The following KIDINS220 variants were observed in gnomAD, a reference collection of about 807,000 sequenced individuals.
The protein encoded by KIDINS220 is kinase D-interacting substrate of 220 kDa.
A neutral mutation model predicts 157.6 loss-of-function variants in KIDINS220; 63 were observed. The observed-to-expected ratio is 0.40, with a 90% CI of 0.33 to 0.49. KIDINS220 has a LOEUF of 0.49. Among genes scored for constraint, KIDINS220 ranks in the 20% least tolerant of loss-of-function variants. KIDINS220 has a pLI of 0.66. For missense variants in KIDINS220, 1,772 were observed against 2,171.2 expected (o/e 0.82, Z 3.65); for synonymous variants, 732 against 783.6 (o/e 0.93, Z 1.10).
intron 13 of KIDINS220, among the ~76,000 whole-genome samples, chr2:8,790,698 G>A (rs1673063671): frequency 6.6e-6 from 1 of 152,196 alleles, no homozygotes; most frequent in African/African-American, 2.4e-5. Context: ...TGCTAATAGA[G>A]GGAGCAACCT....
Position 8,803,123 on chromosome 2 carries a change from G to T in KIDINS220, c.608C>A (p.Ser203Ter). The change falls in exon 8 of 30, where the codon TCA (serine) becomes TAA (stop). Residue 203 changes from serine to a stop codon, truncating the protein, a stop_gained. Transcript: ENST00000256707. LOFTEE classifies it high-confidence loss of function. ...CACTGCCACAATAAGTGCAGTCATTGAATTCTAAAAACAACAACAACAAAA... is the reference window on the plus strand; with the variant it reads ...CACTGCCACAATAAGTGCAGTCATTTAATTCTAAAAACAACAACAACAAAA... Reference protein sequence around the residue: ...GADVDQEGANSMTALIVAVKG... With the variant: ...GADVDQEGAN 1.2e-6 allele frequency: 2 copies of T among 1,604,952 alleles called. No homozygotes were observed. The highest frequency in any genetic ancestry group is 2.2e-5 in the South Asian group (2 of 90,064).
intron 1 of KIDINS220, among the ~76,000 whole-genome samples, chr2:8,830,495 T>G (rs1023087194): frequency 6.6e-6 from 1 of 152,232 alleles, no homozygotes; most frequent in African/African-American, 2.4e-5. Flanking sequence ...CATGGCTCAC[T>G]GCAGCCTTGA....
In KIDINS220 at chr2:8,750,216, A is replaced by G; in HGVS notation, c.3310T>C (p.Ser1104Pro). Residue 1104 changes from serine (S) to proline (P), a missense_variant, in exon 24 of 30, where the codon TCC becomes CCC. Around this residue, in one of 3 missense-constraint regions of KIDINS220, gnomAD observed 793 missense variants for 885.5 expected, o/e 0.90. Transcript: ENST00000256707. The part of the protein sequence containing the change: ...GYSQPPSVCS[S>P]TSFNGPFAGG... ...GCGAAGGGCCCATTGAAGGACGTGG[A>G]AGAGCACACGGATGGGGGCTGGCTG... The G allele has an allele frequency of 6.2e-7, 1 of 1,614,196 alleles. No homozygotes were observed. The highest frequency in any genetic ancestry group is 8.5e-7 in the Non-Finnish European group (1 of 1,180,024).
chr2:8,756,471 T>C (rs566015717), intron 22 of KIDINS220, among the ~76,000 whole-genome samples: 2 of 152,338 alleles, frequency 1.3e-5, no homozygotes, highest in East Asian at 3.9e-4. Context: ...TAGTGCAATG[T>C]TGAATAGCAG....
intron 21 of KIDINS220, among the ~76,000 whole-genome samples, chr2:8,771,892 T>C (rs1420261396): frequency 2.0e-5 from 3 of 151,926 alleles, no homozygotes; most frequent in Non-Finnish European, 4.4e-5. Context: ...CACAGTGCTG[T>C]GTGAAAAGAG....
At chr2:8,797,918 T>C (rs1175236832) in intron 10 of KIDINS220, among the ~76,000 whole-genome samples, 2 of 152,184 alleles carry the variant, frequency 1.3e-5, no homozygotes, top group Non-Finnish European at 2.9e-5. Context: ...CAGATAACAG[T>C]GGCATAAATG....
At chr2:8,764,951 G>A (rs1487603694) in intron 22 of KIDINS220, among the ~76,000 whole-genome samples, 1 of 152,132 alleles carries the variant, frequency 6.6e-6, no homozygotes, top group African/African-American at 2.4e-5. Context: ...GTATAAGAAG[G>A]TAACTATGGC....
chr2:8,790,308 C>T (rs1190310969), intron 13 of KIDINS220, among the ~76,000 whole-genome samples: 4 of 152,110 alleles, frequency 2.6e-5, no homozygotes, highest in African/African-American at 9.7e-5. Context: ...TGTACAAAAC[C>T]CCTTCTCATA....
chr2:8,765,114 T>C (rs1174289119), intron 22 of KIDINS220, among the ~76,000 whole-genome samples: 3 of 151,964 alleles, frequency 2.0e-5, no homozygotes, highest in African/African-American at 7.2e-5. Context: ...GAAGAGCACA[T>C]GAAAAGTAAA....
chr2:8,788,503 A>C (rs1672724495), intron 15 of KIDINS220, 144 bp downstream of exon 15: 1 of 656,200 alleles, frequency 1.5e-6, no homozygotes, highest in South Asian at 1.9e-5. Flanking sequence ...TCCTGACCTC[A>C]GGTGATCTGC....
chr2:8,790,160 T>G, intron 13 of KIDINS220, 101 bp from the exon 14 acceptor site: 1 of 1,109,370 alleles, frequency 9.0e-7, no homozygotes, highest in Non-Finnish European at 1.3e-6. Flanking sequence ...AAACATTTAT[T>G]GGACACTTAG....
intron 6 of KIDINS220, among the ~76,000 whole-genome samples, chr2:8,807,007 T>C (rs934657146): frequency 6.6e-6 from 1 of 152,222 alleles, no homozygotes; most frequent in African/African-American, 2.4e-5. Flanking sequence ...AGTCTGACTG[T>C]AGGCAGGAAT....
At chr2:8,810,995 G>A (rs1285919932) in intron 6 of KIDINS220, among the ~76,000 whole-genome samples, 2 of 152,064 alleles carry the variant, frequency 1.3e-5, no homozygotes, top group Non-Finnish European at 2.9e-5. Flanking sequence ...CACAAAGTGC[G>A]AAAAATATAC....
intron 11 of KIDINS220, chr2:8,794,276 C>T: frequency 4.6e-6 from 1 of 217,392 alleles, no homozygotes; most frequent in Non-Finnish European, 9.1e-6. Context: ...GGCTTTCTCC[C>T]TGCAGCTCCT....
chr2:8,778,827 A>C, intron 19 of KIDINS220, 69 bp downstream of exon 19: 1 of 1,600,128 alleles, frequency 6.2e-7, no homozygotes, highest in East Asian at 2.2e-5. Flanking sequence ...CAAGGTAAAA[A>C]GGAGAGTCGC....
At chr2:8,811,470 A>C (rs935482621) in intron 6 of KIDINS220, among the ~76,000 whole-genome samples, 1 of 152,240 alleles carries the variant, frequency 6.6e-6, no homozygotes, top group African/African-American at 2.4e-5. Context: ...GTAACACCTC[A>C]AATAAGCCTT....
At chr2:8,793,411 G>A (rs188225202) in intron 12 of KIDINS220, among the ~76,000 whole-genome samples, 104 of 152,214 alleles carry the variant, frequency 6.8e-4, no homozygotes, top group African/African-American at 2.2e-3. Context: ...TGGGAGCATC[G>A]CTTAAGCCCA....
At position 8,778,954 on chromosome 2, in the gene KIDINS220, T is replaced by C. The variant is rs150868908; in HGVS notation, c.2556A>G (p.Ala852=). The change falls in exon 19 of 30, where the codon GCA becomes GCG. Residue 852 remains alanine, a synonymous_variant. Coordinates refer to ENST00000256707, the MANE Select transcript of KIDINS220 (RefSeq NM_020738.4). ...TTGCTGAAGTTACGAGAAATTTTCT[T>C]GCATTGCTTAGTCCACGACTATTAA... The part of the protein sequence containing the change: ...VFLNSRGLSN[A]RKFLVTSATN... The C allele has an allele frequency of 1.6e-4, 258 of 1,614,222 alleles. 2 individuals are homozygous for C. The East Asian group carries it at 5.3e-3, about 33-fold the overall frequency.
intron 23 of KIDINS220, 117 bp downstream of exon 23, chr2:8,751,349 C>A: frequency 1.4e-6 from 1 of 730,432 alleles, no homozygotes; most frequent in South Asian, 1.8e-5. Flanking sequence ...CTGTGTAGTG[C>A]TTAGTTCAAT....
Sources: allele counts gnomAD v4.1 joint callset (sites outside exome capture counted in the v4.1 genomes callset), GRCh38; gene constraint gnomAD v4.1.1; regional missense constraint gnomAD v4.1.1; transcripts MANE v1.5; gene names NCBI Gene and HGNC (gene_info 2026-07-23, HGNC 2026-07-21).